The following COPS4 variants were observed in gnomAD, a reference collection of about 807,000 sequenced individuals.
COPS4 encodes COP9 signalosome subunit 4, also known as COP9 signalosome complex subunit 4.
COPS4 carries 8 observed loss-of-function variants against 55.1 expected under a neutral mutation model. The observed-to-expected ratio is 0.15, with a 90% CI of 0.09 to 0.26. The LOEUF (loss-of-function observed/expected upper bound fraction) is 0.26, where lower values mean the gene tolerates loss of function less well. Among genes scored for constraint, COPS4 ranks in the 10% least tolerant of loss-of-function variants. The pLI is 1.00. For missense variants in COPS4, 248 were observed against 484.0 expected (o/e 0.51, Z 4.58); for synonymous variants, 185 against 165.7 (o/e 1.12, Z -0.90).
intron 4 of COPS4, among the ~76,000 whole-genome samples, chr4:83,056,334 A>G (rs1481195867): frequency 1.3e-5 from 2 of 152,200 alleles, no homozygotes; most frequent in Admixed American, 6.5e-5. Context: ...GTTATTTTCT[A>G]GGAAGGTTGT....
chr4:83,050,294 G>C (rs190833383), intron 4 of COPS4, among the ~76,000 whole-genome samples: 21 of 152,082 alleles, frequency 1.4e-4, no homozygotes, highest in Admixed American at 1.4e-3. Flanking sequence ...TCTTGTTGTT[G>C]TTGTTGTTGT....
intron 8 of COPS4, among the ~76,000 whole-genome samples, chr4:83,068,149 TAAG>T (rs1383086508): frequency 6.6e-6 from 1 of 152,156 alleles, no homozygotes; most frequent in Non-Finnish European, 1.5e-5. Context: ...TGGATCCTAG[TAAG>T]AAGAAAAATT....
At chr4:83,063,813 G>A (rs552704773) in intron 7 of COPS4, among the ~76,000 whole-genome samples, 1 of 149,832 alleles carries the variant, frequency 6.7e-6, no homozygotes, top group South Asian at 2.1e-4. Context: ...GGGTTCAAGT[G>A]ATTCTCCTAC....
At chr4:83,058,864 T>C (rs557412521) in intron 6 of COPS4, among the ~76,000 whole-genome samples, 27 of 152,306 alleles carry the variant, frequency 1.8e-4, no homozygotes, top group African/African-American at 6.5e-4. Context: ...TACATACTTT[T>C]GAATTTTTGA....
At chr4:83,069,756 T>G (rs1285438628) in intron 9 of COPS4, among the ~76,000 whole-genome samples, 1 of 152,224 alleles carries the variant, frequency 6.6e-6, no homozygotes, top group Non-Finnish European at 1.5e-5. Context: ...AGAAACACTT[T>G]AATTTTAGAT....
chr4:83,049,751 T>C (rs1049121492), intron 3 of COPS4, 130 bp from the exon 4 acceptor site: 2 of 596,636 alleles, frequency 3.4e-6, no homozygotes, highest in South Asian at 4.8e-5. Flanking sequence ...TTGGGTGGTC[T>C]TGATAAACGT....
At chr4:83,064,043 A>G (rs1731238701) in intron 7 of COPS4, among the ~76,000 whole-genome samples, 1 of 152,116 alleles carries the variant, frequency 6.6e-6, no homozygotes, top group South Asian at 2.1e-4. Context: ...TACTTAAAAA[A>G]TATATATTAT....
intron 1 of COPS4, among the ~76,000 whole-genome samples, chr4:83,044,914 T>C (rs978011030): frequency 6.6e-6 from 1 of 152,258 alleles, no homozygotes; most frequent in South Asian, 2.1e-4. Flanking sequence ...ATTGTCTACA[T>C]AGCAGAGAAC....
At chr4:83,052,691 G>A (rs916118204) in intron 4 of COPS4, among the ~76,000 whole-genome samples, 1 of 152,058 alleles carries the variant, frequency 6.6e-6, no homozygotes, top group Non-Finnish European at 1.5e-5. Context: ...GCTCACTTCA[G>A]TGTCCGTCTC....
At chr4:83,049,600 A>G (rs1730806419) in intron 3 of COPS4, 2 of 458,130 alleles carry the variant, frequency 4.4e-6, no homozygotes, top group Non-Finnish European at 7.6e-6. Context: ...ACACAGGAAA[A>G]CTCCAGCATC....
chr4:83,071,549 G>T (rs1462829520), intron 9 of COPS4, among the ~76,000 whole-genome samples: 2 of 152,100 alleles, frequency 1.3e-5, no homozygotes, highest in Non-Finnish European at 2.9e-5. Flanking sequence ...CTCCCTAGTA[G>T]CTAGGAAGGA....
At chr4:83,073,999 T>C (rs1349074677) in intron 9 of COPS4, among the ~76,000 whole-genome samples, 2 of 152,090 alleles carry the variant, frequency 1.3e-5, no homozygotes, top group Admixed American at 6.6e-5. Context: ...TCACTAAATA[T>C]GTGCCCTTTT....
intron 6 of COPS4, among the ~76,000 whole-genome samples, chr4:83,058,655 G>T (rs1037899795): frequency 5.3e-5 from 8 of 152,294 alleles, no homozygotes; most frequent in Admixed American, 4.6e-4. Flanking sequence ...ACAAATGGTA[G>T]CATATACACA....
At position 83,062,921 on chromosome 4, in the gene COPS4, C is replaced by A. The variant is rs369894729; in HGVS notation, c.716-155C>A. On this transcript the variant is annotated intron_variant, in intron 6 of 9. Transcript: ENST00000264389. ...AGCAGTTTAGTGTTTGATAATTCAG[C>A]GTCGGCAGTGACTGCAGACCATAAT... 6 of 567,998 alleles carry A rather than the reference C, an allele frequency of 1.1e-5. No homozygotes were observed. The East Asian group carries it at 2.0e-4, about 19-fold the overall frequency. The allele number at this position is 567,998 out of a possible 1,614,324, so 35.2% of individuals were successfully genotyped here. A position where few individuals can be genotyped will look rare whatever the true frequency, so the allele number is the denominator to read the frequency against.
chr4:83,054,699 G>A (rs1401698494), intron 4 of COPS4, among the ~76,000 whole-genome samples: 2 of 152,220 alleles, frequency 1.3e-5, no homozygotes, highest in Non-Finnish European at 2.9e-5. Context: ...ATTTTCAGTG[G>A]TAGCTGAAAC....
chr4:83,066,374 A>G (rs1731292751), intron 7 of COPS4, 64 bp from the exon 8 acceptor site: 1 of 761,358 alleles, frequency 1.3e-6, no homozygotes, highest in African/African-American at 1.8e-5. Flanking sequence ...TTCAGAAAAA[A>G]TGATGCATCT....
intron 1 of COPS4, among the ~76,000 whole-genome samples, chr4:83,045,186 C>G (rs987428798): frequency 6.6e-6 from 1 of 152,208 alleles, no homozygotes; most frequent in African/African-American, 2.4e-5. Flanking sequence ...GGAAAAGATT[C>G]AGGTCACCTC....
At chr4:83,047,416 G>A (rs921170261) in intron 2 of COPS4, among the ~76,000 whole-genome samples, 5 of 130,998 alleles carry the variant, frequency 3.8e-5, no homozygotes, top group African/African-American at 5.9e-5. Flanking sequence ...TTAGCCTGGC[G>A]TGGTGATGCA....
intron 1 of COPS4, among the ~76,000 whole-genome samples, chr4:83,036,941 A>G (rs1730436515): frequency 6.6e-6 from 1 of 152,216 alleles, no homozygotes; most frequent in Non-Finnish European, 1.5e-5. Flanking sequence ...TTGGAGATAA[A>G]CAATAGTACT....
Sources: gnomAD v4.1 joint callset for allele counts (sites outside exome capture counted in the v4.1 genomes callset) on GRCh38, gnomAD v4.1.1 for gene constraint, MANE v1.5 for transcripts, NCBI Gene and HGNC (gene_info 2026-07-23, HGNC 2026-07-21) for gene names.